Variants in ST6GALNAC2 observed in about 807,000 individuals in gnomAD.
The protein encoded by ST6GALNAC2 is alpha-N-acetylgalactosaminide alpha-2,6-sialyltransferase 2.
ST6GALNAC2 carries 42 observed loss-of-function variants against 38.7 expected under a neutral mutation model. The observed-to-expected ratio is 1.09, with a 90% CI of 0.85 to 1.40. The LOEUF (loss-of-function observed/expected upper bound fraction) is 1.40. Among genes scored for constraint, ST6GALNAC2 ranks in the 40% most tolerant of loss-of-function variants. The pLI, the probability that ST6GALNAC2 is intolerant of heterozygous loss-of-function variation, is 0.00. For synonymous variants in ST6GALNAC2, 233 were observed against 209.0 expected (o/e 1.11, Z -0.99); for missense variants, 506 against 481.7 (o/e 1.05, Z -0.47).
chr17:76,570,613 G>C lies in ST6GALNAC2; in HGVS notation c.725C>G (p.Ser242Trp). ...AGGGACAGGCACGCCCAGAATGGCCGATCTCAGCATCACATAGTCGCGGAT... is the reference window on the plus strand; with the variant it reads ...AGGGACAGGCACGCCCAGAATGGCCCATCTCAGCATCACATAGTCGCGGAT... Reference protein sequence around the residue: ...SDIRDYVMLRSAILGVPVPEG... With the variant: ...SDIRDYVMLRWAILGVPVPEG... Residue 242 changes from serine to tryptophan, a missense_variant, in exon 6 of 9, where the codon TCG becomes TGG. Coordinates refer to ENST00000225276, the MANE Select transcript of ST6GALNAC2 (RefSeq NM_006456.3). 1 of 1,613,240 alleles carries C rather than the reference G, an allele frequency of 6.2e-7. No individual in the cohort carries two copies. Among genetic ancestry groups the C allele is most frequent in the Non-Finnish European group, 8.5e-7 (1 of 1,179,796 alleles).
chr17:76,572,056 G>T (rs144960754), intron 5 of ST6GALNAC2, among the ~76,000 whole-genome samples: 203 of 152,214 alleles, frequency 1.3e-3, no homozygotes, highest in Non-Finnish European at 2.1e-3. Context: ...GAGGGTCCTA[G>T]ATCTAGATGG....
intron 7 of ST6GALNAC2, chr17:76,568,353 G>A (rs990760090): frequency 2.1e-5 from 6 of 279,342 alleles, no homozygotes; most frequent in South Asian, 5.4e-5. Flanking sequence ...GGTTCCTTCC[G>A]GCACCTTGTG....
chr17:76,578,059 C>G (rs2075436947), intron 2 of ST6GALNAC2, among the ~76,000 whole-genome samples: 1 of 152,190 alleles, frequency 6.6e-6, no homozygotes, highest in Admixed American at 6.5e-5. Flanking sequence ...TCCAGAACAA[C>G]ACAGTCATCA....
intron 7 of ST6GALNAC2, chr17:76,568,395 C>T (rs1046081261): frequency 1.5e-5 from 6 of 388,968 alleles, no homozygotes; most frequent in Non-Finnish European, 2.4e-5. Flanking sequence ...GGTTCTGATG[C>T]CCTGCTGCTG....
Position 76,565,998 on chromosome 17 carries a change from C to G in ST6GALNAC2, c.*106G>C. Reference sequence around the variant, plus strand: ...AATCTTGAATTCACCCCAGTGCCCTCTGTTGGCAAGGGAAGGTGAAGATTG... The same window carrying G: ...AATCTTGAATTCACCCCAGTGCCCTGTGTTGGCAAGGGAAGGTGAAGATTG... On this transcript the variant is annotated 3_prime_UTR_variant, in exon 9 of 9. Transcript: ENST00000225276. The G allele has an allele frequency of 8.1e-7, 1 of 1,227,540 alleles. No homozygotes were observed. Among genetic ancestry groups the G allele is most frequent in the Non-Finnish European group, 1.1e-6 (1 of 890,134 alleles). The allele number at this position is 1,227,540 out of a possible 1,614,324, so 76.0% of individuals were successfully genotyped here.
chr17:76,577,573 ATTTT>A (rs71158024), intron 2 of ST6GALNAC2, among the ~76,000 whole-genome samples: 1 of 117,096 alleles, frequency 8.5e-6, no homozygotes, highest in African/African-American at 3.3e-5. Flanking sequence ...TGGCCTCTGT[ATTTT>A]TTTTTTTTTT....
Position 76,566,163 on chromosome 17 carries a change from C to T in ST6GALNAC2, c.1066G>A (p.Glu356Lys). The T allele has an allele frequency of 6.2e-7, 1 of 1,614,098 alleles. No homozygotes were observed. The highest frequency in any genetic ancestry group is 8.5e-7 in the Non-Finnish European group (1 of 1,180,028). The change falls in exon 9 of 9, where the codon GAA becomes AAA. Residue 356 changes from glutamate to lysine, a missense_variant. Physicochemically the swap from Glu to Lys is moderately conservative, Grantham distance 56. Transcript: ENST00000225276. The part of the protein sequence containing the change: ...IFYANHDLSL[E>K]AALWRDLHKA... Reference sequence around the variant, plus strand: ...TGCAGGTCCCTCCACAGGGCAGCTTCCAGGGACAGATCGTGGTTTGCATAA... The same window carrying T: ...TGCAGGTCCCTCCACAGGGCAGCTTTCAGGGACAGATCGTGGTTTGCATAA...
chr17:76,585,585 G>T, intron 1 of ST6GALNAC2, 99 bp downstream of exon 1: 1 of 1,341,214 alleles, frequency 7.5e-7, no homozygotes, highest in South Asian at 1.6e-5. Context: ...GCGGAGGTTG[G>T]GCTGAGGGCT....
chr17:76,574,601 G>C, intron 2 of ST6GALNAC2, 62 bp from the exon 3 acceptor site: 1 of 1,326,550 alleles, frequency 7.5e-7, no homozygotes. Context: ...GTGGGGCCCT[G>C]CAGACCCTGC....
chr17:76,583,406 G>A (rs1020458054), intron 1 of ST6GALNAC2, among the ~76,000 whole-genome samples: 3 of 145,956 alleles, frequency 2.1e-5, no homozygotes, highest in Non-Finnish European at 4.5e-5. Flanking sequence ...GTATTACTTG[G>A]GAGGCTGAGG....
rs2143300023 is a variant in ST6GALNAC2 at position 76,572,795 on chromosome 17, A to G, written c.531-20T>C. On this transcript the variant is annotated intron_variant, in intron 4 of 8. Coordinates refer to ENST00000225276, the MANE Select transcript of ST6GALNAC2 (RefSeq NM_006456.3). ...TTGAGTCTGGTTGGCACAGAGGCCC[A>G]TCAGTGTCTGCGGTTACACCAGGCC... The G allele has an allele frequency of 6.2e-7, 1 of 1,613,856 alleles. No homozygotes were observed. The highest frequency in any genetic ancestry group is 1.3e-5 in the African/African-American group (1 of 75,030).
chr17:76,580,404 T>C (rs375413520), intron 1 of ST6GALNAC2, among the ~76,000 whole-genome samples: 96 of 151,068 alleles, frequency 6.4e-4, no homozygotes, highest in African/African-American at 2.2e-3. Context: ...GGTGAAAGAG[T>C]GAAACTCCTG....
intron 5 of ST6GALNAC2, chr17:76,571,112 T>C (rs1000111407): frequency 6.5e-6 from 1 of 154,340 alleles, no homozygotes; most frequent in Non-Finnish European, 1.4e-5. Context: ...TCAGCTCCAG[T>C]CAAGCTTTTG....
rs576649586 is a variant in ST6GALNAC2 at position 76,572,904 on chromosome 17, C to G, written c.531-129G>C. 105 of 1,173,244 alleles carry G rather than the reference C, an allele frequency of 8.9e-5. No homozygotes were observed. The African/African-American group carries it at 1.5e-3, about 16-fold the overall frequency. The allele number at this position is 1,173,244 out of a possible 1,614,324, so 72.7% of individuals were successfully genotyped here. On this transcript the variant is annotated intron_variant, in intron 4 of 8. Transcript: ENST00000225276. ...CCACTCCTTCTGCCCATGGCAGTACCAGTGCCCAGTTGTCAACCAGACCCC... is the reference window on the plus strand; with the variant it reads ...CCACTCCTTCTGCCCATGGCAGTACGAGTGCCCAGTTGTCAACCAGACCCC...
In ST6GALNAC2 at chr17:76,565,409, C is replaced by T. The variant is rs2075265959; in HGVS notation, c.*695G>A. On this transcript the variant is annotated 3_prime_UTR_variant, in exon 9 of 9. Transcript: ENST00000225276. ...ATGAAGGTTTATTACCTGGTGACAT[C>T]ATCCTGTTGGTGACAAGGTGGTGAT... 1 of 152,150 alleles carries T rather than the reference C, an allele frequency of 6.6e-6. No individual in the cohort carries two copies. The highest frequency in any genetic ancestry group is 2.1e-4 in the South Asian group (1 of 4,826). 9.4% of individuals were successfully genotyped at this position (152,150 alleles called of 1,614,324 possible).
chr17:76,569,675 C>T (rs995876639), intron 6 of ST6GALNAC2: 9 of 395,096 alleles, frequency 2.3e-5, no homozygotes, highest in Middle Eastern at 6.3e-4. Context: ...TAGGTCCACC[C>T]GATGTCTCTG....
At chr17:76,580,466 C>T (rs188918695) in intron 1 of ST6GALNAC2, among the ~76,000 whole-genome samples, 3 of 150,154 alleles carry the variant, frequency 2.0e-5, no homozygotes, top group Admixed American at 6.7e-5. Flanking sequence ...GAGGCCTAGG[C>T]GGGTGGATCA....
chr17:76,577,624 G>A (rs906150815), intron 2 of ST6GALNAC2, among the ~76,000 whole-genome samples: 1 of 146,862 alleles, frequency 6.8e-6, no homozygotes, highest in Admixed American at 6.9e-5. Context: ...CACTCACGGT[G>A]GAGTGCAGTG....
chr17:76,584,340 C>A (rs1358300552), intron 1 of ST6GALNAC2, among the ~76,000 whole-genome samples: 1 of 152,014 alleles, frequency 6.6e-6, no homozygotes, highest in Non-Finnish European at 1.5e-5. Flanking sequence ...GAAGCACAGG[C>A]ATGCACCACC....
Sources: allele counts gnomAD v4.1 joint callset (sites outside exome capture counted in the v4.1 genomes callset), GRCh38; gene constraint gnomAD v4.1.1; transcripts MANE v1.5; gene names NCBI Gene and HGNC (gene_info 2026-07-23, HGNC 2026-07-21).